EEF2K: variants seen among roughly 807,000 people sequenced by gnomAD.
The protein encoded by EEF2K is eukaryotic elongation factor 2 kinase.
EEF2K carries 70 observed loss-of-function variants against 93.8 expected under a neutral mutation model. The ratio of observed to expected loss-of-function variants is 0.75; its 90% confidence interval spans 0.62 to 0.91. The LOEUF (loss-of-function observed/expected upper bound fraction) is 0.91, where lower values mean the gene tolerates loss of function less well. Ranked by LOEUF, EEF2K falls within the 40% of genes least tolerant of loss-of-function variation. The pLI, the probability that EEF2K is intolerant of heterozygous loss-of-function variation, is 0.00. For synonymous variants in EEF2K, 376 were observed against 380.8 expected (o/e 0.99, Z 0.15); for missense variants, 935 against 972.9 (o/e 0.96, Z 0.52).
rs1447297686 is a variant in EEF2K, at chr16:22,287,413, T to C, written c.*3417T>C. ...ACTGGGACGATATCAGAGACCATCT[T>C]CAAGTGCAAGAAGCAGGTGAAAGCC... On this transcript the variant is annotated 3_prime_UTR_variant, in exon 18 of 18. Transcript: ENST00000263026. 1 of 152,246 alleles carries C rather than the reference T, an allele frequency of 6.6e-6. No individual in the cohort carries two copies. Among genetic ancestry groups the C allele is most frequent in the East Asian group, 1.9e-4 (1 of 5,204 alleles). The allele number at this position is 152,246 out of a possible 1,614,324, so 9.4% of individuals were successfully genotyped here.
chr16:22,231,432 A>T (rs1170990669), intron 2 of EEF2K, among the ~76,000 whole-genome samples: 1 of 151,946 alleles, frequency 6.6e-6, no homozygotes, highest in East Asian at 1.9e-4. Context: ...TATTTTTATT[A>T]AAAATGTATA....
At chr16:22,245,381 C>G (rs2047277670) in intron 3 of EEF2K, among the ~76,000 whole-genome samples, 1 of 152,148 alleles carries the variant, frequency 6.6e-6, no homozygotes, top group African/African-American at 2.4e-5. Flanking sequence ...GTCATTCAAG[C>G]ATCAACTATA....
intron 17 of EEF2K, among the ~76,000 whole-genome samples, chr16:22,282,593 T>C (rs2047705291): frequency 6.6e-6 from 1 of 152,224 alleles, no homozygotes; most frequent in African/African-American, 2.4e-5. Context: ...AGTAGCTTTG[T>C]TATAAAAGCA....
intron 11 of EEF2K, among the ~76,000 whole-genome samples, chr16:22,261,648 C>T (rs1028510420): frequency 6.6e-6 from 1 of 150,932 alleles, no homozygotes; most frequent in African/African-American, 2.4e-5. Flanking sequence ...AGAGGTCGCA[C>T]CACTGCACTC....
In EEF2K at chr16:22,244,269, T is replaced by TTGTGTGTG. The variant is rs200282636; in HGVS notation, c.247-327_247-320dup. ...GTTATATTCTGTTTCTATATATGTA[T>TTGTGTGTG]TGTGTGTGTGTGTGTGTGTGTGTGT... On this transcript the variant is annotated intron_variant, in intron 2 of 17. Transcript: ENST00000263026. Among the ~76,000 whole-genome samples, 1,255 of 140,116 alleles carry TTGTGTGTG rather than the reference T, an allele frequency of 9.0e-3. 8 individuals are homozygous for TTGTGTGTG. Among genetic ancestry groups the TTGTGTGTG allele is most frequent in the African/African-American group, 0.015 (555 of 38,152 alleles). 91.9% of individuals were successfully genotyped at this position (140,116 alleles called of 152,430 possible).
chr16:22,267,404 C>T (rs560581713), intron 15 of EEF2K, among the ~76,000 whole-genome samples: 1 of 151,856 alleles, frequency 6.6e-6, no homozygotes, highest in Non-Finnish European at 1.5e-5. Context: ...ACCAGCCTGG[C>T]CGACATGGTG....
At chr16:22,253,964 T>A (rs1252473771) in intron 6 of EEF2K, among the ~76,000 whole-genome samples, 3 of 152,012 alleles carry the variant, frequency 2.0e-5, no homozygotes, top group African/African-American at 7.2e-5. Context: ...CTGGGCATGG[T>A]GGTGCACGCC....
chr16:22,277,751 T>C (rs1409586296), intron 16 of EEF2K, among the ~76,000 whole-genome samples: 2 of 152,210 alleles, frequency 1.3e-5, no homozygotes, highest in East Asian at 3.8e-4. Context: ...ATGAGTGTCT[T>C]AGCCTGTTCT....
rs376499773 is a variant in EEF2K at position 22,257,304 on chromosome 16, G to T, written c.820G>T (p.Asp274Tyr). 2 of 1,613,906 alleles carry T rather than the reference G, an allele frequency of 1.2e-6. No homozygotes were observed. The highest frequency in any genetic ancestry group is 1.7e-6 in the Non-Finnish European group (2 of 1,179,996). ...ERSGHQLIVV[D>Y]IQGVGDLYTD... ...TTCCGGCCATCAGCTGATAGTGGTGGACATCCAGGGAGTTGGGGATCTCTA... is the reference window on the plus strand; with the variant it reads ...TTCCGGCCATCAGCTGATAGTGGTGTACATCCAGGGAGTTGGGGATCTCTA... Residue 274 changes from aspartate to tyrosine, a missense_variant, in exon 8 of 18, where the codon GAC becomes TAC. Asp to Tyr is a radical substitution (Grantham distance 160). Transcript: ENST00000263026.
At chr16:22,209,887 G>A (rs573267757) in intron 1 of EEF2K, among the ~76,000 whole-genome samples, 81 of 152,206 alleles carry the variant, frequency 5.3e-4, no homozygotes, top group African/African-American at 1.9e-3. Context: ...GGAACTCCTC[G>A]GCTCAAGTGA....
At chr16:22,214,485 G>A (rs566341203) in intron 1 of EEF2K, among the ~76,000 whole-genome samples, 68 of 151,546 alleles carry the variant, frequency 4.5e-4, no homozygotes, top group African/African-American at 1.6e-3. Flanking sequence ...GTAGGGAGAC[G>A]CCCATCTCTA....
intron 4 of EEF2K, among the ~76,000 whole-genome samples, chr16:22,250,318 C>A (rs989790307): frequency 8.5e-5 from 13 of 152,132 alleles, no homozygotes; most frequent in Non-Finnish European, 1.5e-4. Context: ...TTGCTGGACA[C>A]GTAGGTTATC....
Position 22,214,881 on chromosome 16 carries a change from C to G in EEF2K, c.-77+8202C>G, listed in dbSNP as rs1261112871. Among the ~76,000 whole-genome samples, 3 of 152,122 alleles carry G rather than the reference C, an allele frequency of 2.0e-5. No individual in the cohort carries two copies. The East Asian group carries it at 5.8e-4, about 29-fold the overall frequency. The stretch of plus-strand genomic sequence containing the variant: ...CGAACAAAACAAGGAAAGAAAGCAA[C>G]GAAAGCAAATATTTACAGAAAACAA... On this transcript the variant is annotated intron_variant, in intron 1 of 17. Coordinates refer to ENST00000263026, the MANE Select transcript of EEF2K (RefSeq NM_013302.5).
chr16:22,247,192 G>A (rs764739825), intron 3 of EEF2K, among the ~76,000 whole-genome samples: 3 of 151,270 alleles, frequency 2.0e-5, no homozygotes, highest in Admixed American at 6.6e-5. Flanking sequence ...TGTAATCCCA[G>A]CACTTTGGGA....
In EEF2K at chr16:22,262,719, G is replaced by A. The variant is rs551778211; in HGVS notation, c.1300-391G>A. 2.6e-5 allele frequency among the ~76,000 whole-genome samples: 4 copies of A among 152,270 alleles called. No individual in the cohort carries two copies. The South Asian group carries it at 8.3e-4, about 32-fold the overall frequency. On this transcript the variant is annotated intron_variant, in intron 11 of 17. Transcript: ENST00000263026. ...CATTTCACCCACACAGCCCTTCGATGTAGGGGCTATAATGAATCCCATAAC... is the reference window on the plus strand; with the variant it reads ...CATTTCACCCACACAGCCCTTCGATATAGGGGCTATAATGAATCCCATAAC...
At chr16:22,253,639 G>T (rs2047372322) in intron 6 of EEF2K, among the ~76,000 whole-genome samples, 1 of 151,602 alleles carries the variant, frequency 6.6e-6, no homozygotes, top group Non-Finnish European at 1.5e-5. Flanking sequence ...CTCTGCCCCA[G>T]TCACCTCTGT....
At chr16:22,246,515 T>TAAAA (rs746408835) in intron 3 of EEF2K, among the ~76,000 whole-genome samples, 27 of 70,498 alleles carry the variant, frequency 3.8e-4, no homozygotes, top group East Asian at 3.8e-4. Flanking sequence ...GACTCAGTCT[T>TAAAA]AAAAAAAAAA....
At chr16:22,214,337 A>G (rs2046940234) in intron 1 of EEF2K, among the ~76,000 whole-genome samples, 2 of 151,870 alleles carry the variant, frequency 1.3e-5, no homozygotes, top group South Asian at 4.2e-4. Context: ...TGAGGCCAGG[A>G]GTTCAGAGGC....
At chr16:22,237,617 C>A (rs201883098) in intron 2 of EEF2K, among the ~76,000 whole-genome samples, 4 of 145,102 alleles carry the variant, frequency 2.8e-5, no homozygotes, top group African/African-American at 2.5e-5. Flanking sequence ...AACCCTGTCT[C>A]AAAAAAAAAA....
Sources: gnomAD v4.1 joint callset for allele counts (sites outside exome capture counted in the v4.1 genomes callset) on GRCh38, gnomAD v4.1.1 for gene constraint, MANE v1.5 for transcripts, NCBI Gene and HGNC (gene_info 2026-07-23, HGNC 2026-07-21) for gene names.